CDK14: variants seen among roughly 807,000 people sequenced by gnomAD.
CDK14 encodes cyclin dependent kinase 14.
A neutral mutation model predicts 60.7 loss-of-function variants in CDK14; 34 were observed. That is an observed-to-expected ratio of 0.56 (90% CI 0.43 to 0.75). The LOEUF (loss-of-function observed/expected upper bound fraction) is 0.75. Ranked by LOEUF, CDK14 falls within the 30% of genes least tolerant of loss-of-function variation. The probability of loss-of-function intolerance (pLI) is 0.00; values close to 1 mark genes in which losing one functional copy is unlikely to be tolerated. For synonymous variants in CDK14, 197 were observed against 203.7 expected (o/e 0.97, Z 0.28); for missense variants, 482 against 564.1 (o/e 0.85, Z 1.47).
intron 6 of CDK14, among the ~76,000 whole-genome samples, chr7:90,896,236 CATTT>C (rs901064180): frequency 1.2e-4 from 19 of 152,100 alleles, no homozygotes; most frequent in African/African-American, 4.6e-4. Flanking sequence ...TATTATCATT[CATTT>C]TTTACTGATT....
At position 90,928,765 on chromosome 7, in the gene CDK14, T is replaced by C. The variant is rs779997471; in HGVS notation, c.826+11041T>C. On this transcript the variant is annotated intron_variant, in intron 8 of 14. Coordinates refer to ENST00000380050, the MANE Select transcript of CDK14 (RefSeq NM_001287135.2). ...TCTTCAAAGCTGTCAGACAGGGACG[T>C]TTAAGTCTGCAGAAGTTTCTGCTGG... Among the ~76,000 whole-genome samples, 75 of 152,330 alleles carry C rather than the reference T, an allele frequency of 4.9e-4. No individual in the cohort carries two copies. In the Middle Eastern group the frequency reaches 0.014, roughly 28 times the overall value.
intron 9 of CDK14, among the ~76,000 whole-genome samples, chr7:90,968,502 C>T (rs1794822268): frequency 6.6e-6 from 1 of 152,106 alleles, no homozygotes; most frequent in African/African-American, 2.4e-5. Context: ...TTCTATTTCT[C>T]TGTATTTCTG....
chr7:90,847,446 A>G (rs563026942), intron 5 of CDK14, among the ~76,000 whole-genome samples: 2 of 152,174 alleles, frequency 1.3e-5, no homozygotes, highest in Non-Finnish European at 2.9e-5. Context: ...AAAAAATTAA[A>G]CTAAATAATT....
At chr7:90,676,210 A>C (rs1464643180) in intron 2 of CDK14, among the ~76,000 whole-genome samples, 1 of 152,236 alleles carries the variant, frequency 6.6e-6, no homozygotes. Flanking sequence ...TTACATAGTA[A>C]TAGTTGCTAA....
chr7:91,136,241 A>C (rs1219759266), intron 14 of CDK14, among the ~76,000 whole-genome samples: 1 of 152,138 alleles, frequency 6.6e-6, no homozygotes, highest in Non-Finnish European at 1.5e-5. Context: ...TTCTTTTCTA[A>C]AATATGATGT....
chr7:90,699,923 A>G (rs989027831), intron 2 of CDK14, among the ~76,000 whole-genome samples: 9 of 152,284 alleles, frequency 5.9e-5, no homozygotes, highest in Admixed American at 2.6e-4. Context: ...AAGTTAATCT[A>G]TTAGGCCTTT....
At chr7:90,934,318 T>G (rs996616918) in intron 8 of CDK14, among the ~76,000 whole-genome samples, 6 of 152,220 alleles carry the variant, frequency 3.9e-5, no homozygotes, top group Non-Finnish European at 8.8e-5. Flanking sequence ...CAGTTTGCCA[T>G]GTACAGGGCC....
At chr7:90,856,109 T>C (rs1790810135) in intron 5 of CDK14, among the ~76,000 whole-genome samples, 1 of 152,208 alleles carries the variant, frequency 6.6e-6, no homozygotes, top group East Asian at 1.9e-4. Context: ...ACTTACATGA[T>C]ATTTTAAAAG....
intron 10 of CDK14, among the ~76,000 whole-genome samples, chr7:90,994,169 A>G (rs1169808485): frequency 1.6e-4 from 24 of 151,384 alleles, no homozygotes; most frequent in Non-Finnish European, 1.5e-4. Context: ...TTGGCTGGGC[A>G]GCTCTGGACT....
intron 4 of CDK14, among the ~76,000 whole-genome samples, chr7:90,763,755 G>T (rs575847488): frequency 1.3e-5 from 2 of 152,166 alleles, no homozygotes; most frequent in East Asian, 3.9e-4. Context: ...CACAGCACAT[G>T]TATACATATG....
intron 11 of CDK14, among the ~76,000 whole-genome samples, chr7:91,060,281 A>T (rs1204862919): frequency 6.9e-6 from 1 of 144,198 alleles, no homozygotes; most frequent in African/African-American, 2.6e-5. Context: ...CTTTATTTTG[A>T]GCCTATGTGT....
chr7:91,191,823 A>G (rs12539901), intron 14 of CDK14, among the ~76,000 whole-genome samples: 12,432 of 152,090 alleles, frequency 0.082, 610 homozygotes, highest in Non-Finnish European at 0.11. Context: ...GCTCAAGGGA[A>G]GCAATGGTAC....
chr7:90,775,439 T>C (rs191598249), intron 4 of CDK14, among the ~76,000 whole-genome samples: 1,294 of 121,728 alleles, frequency 0.011, 8 homozygotes, highest in Non-Finnish European at 0.015. Context: ...TCTAAAACAG[T>C]TTCTGTGGGA....
chr7:90,604,142 T>A, intron 1 of CDK14, 76 bp from the exon 2 acceptor site: 1 of 975,112 alleles, frequency 1.0e-6, no homozygotes, highest in Non-Finnish European at 1.5e-6. Flanking sequence ...TGCCTTGTTT[T>A]TTTTTCTGTT....
chr7:90,854,823 T>C (rs1196505253), intron 5 of CDK14, among the ~76,000 whole-genome samples: 1 of 152,224 alleles, frequency 6.6e-6, no homozygotes, highest in Non-Finnish European at 1.5e-5. Context: ...TTATCAGGTC[T>C]TGCAGAAACC....
intron 8 of CDK14, 38 bp from the exon 9 acceptor site, chr7:90,955,659 T>C: frequency 6.2e-7 from 1 of 1,610,080 alleles, no homozygotes; most frequent in East Asian, 2.2e-5. Flanking sequence ...GTTTTGCTAA[T>C]GCCTGTTAAA....
intron 6 of CDK14, among the ~76,000 whole-genome samples, chr7:90,890,689 C>G (rs1183073120): frequency 6.6e-6 from 1 of 152,108 alleles, no homozygotes; most frequent in African/African-American, 2.4e-5. Context: ...CAGTTTGAAC[C>G]TAACTGCTCA....
chr7:91,158,199 ATAT>A (rs1801047975), intron 14 of CDK14, among the ~76,000 whole-genome samples: 1 of 148,554 alleles, frequency 6.7e-6, no homozygotes, highest in African/African-American at 2.5e-5. Flanking sequence ...TATATATAAT[ATAT>A]TATATGTTTG....
chr7:90,963,515 T>C (rs1171636627), intron 9 of CDK14, among the ~76,000 whole-genome samples: 1 of 152,074 alleles, frequency 6.6e-6, no homozygotes, highest in Admixed American at 6.6e-5. Flanking sequence ...TGTGTATTTA[T>C]TCATGTAGAA....
Sources: gnomAD v4.1 joint callset for allele counts (sites outside exome capture counted in the v4.1 genomes callset) on GRCh38, gnomAD v4.1.1 for gene constraint, MANE v1.5 for transcripts, NCBI Gene and HGNC (gene_info 2026-07-23, HGNC 2026-07-21) for gene names.